The following HDLBP variants were observed in gnomAD, a reference collection of about 807,000 sequenced individuals.
HDLBP encodes the protein vigilin.
A neutral mutation model predicts 137.3 loss-of-function variants in HDLBP; 30 were observed. The ratio of observed to expected loss-of-function variants is 0.22; its 90% CI spans 0.16 to 0.30. The LOEUF (loss-of-function observed/expected upper bound fraction) is 0.30. Ranked by LOEUF, HDLBP falls within the 10% of genes least tolerant of loss-of-function variation. The pLI is 1.00. For synonymous variants in HDLBP, 606 were observed against 596.0 expected (o/e 1.02, Z -0.24); for missense variants, 1,119 against 1,667.3 (o/e 0.67, Z 5.73).
At position 241,228,694 on chromosome 2, in the gene HDLBP, GA is replaced by G. The variant is rs1305554579; in HGVS notation, c.*906del. 1 of 152,884 alleles carries G rather than the reference GA, an allele frequency of 6.5e-6. No individual in the cohort carries two copies. The highest frequency in any genetic ancestry group is 1.5e-5 in the Non-Finnish European group (1 of 68,184). 9.5% of individuals were successfully genotyped at this position (152,884 alleles called of 1,614,324 possible). A position where few individuals can be genotyped will look rare whatever the true frequency, so the allele number is the denominator to read the frequency against. On this transcript the variant is annotated 3_prime_UTR_variant, in exon 28 of 28. Transcript: ENST00000310931. Reference sequence around the variant, plus strand: ...AGACCACTCCACGCCGGCTGAGGTAGAAAGAAGGCAACTGAACACACAGCAG... The same window carrying G: ...AGACCACTCCACGCCGGCTGAGGTAGAAGAAGGCAACTGAACACACAGCAG...
chr2:241,235,288 G>A lies in HDLBP; in HGVS notation c.3010-33C>T, dbSNP rs772376040. ...AAGAGGGGGCTGACTTGACGTTCAG[G>A]ACCCCAGAGAACAGGAAAGAGTCCA... On this transcript the variant is annotated intron_variant, in intron 22 of 27. Transcript: ENST00000310931. The A allele has an allele frequency of 2.2e-5, 35 of 1,613,806 alleles. 1 individual carries two copies. The East Asian group carries it at 5.1e-4, about 24-fold the overall frequency.
Position 241,256,252 on chromosome 2 carries a change from C to T in HDLBP, c.805G>A (p.Val269Ile), listed in dbSNP as rs762803485. ...PPPSVNRTEI[V>I]FTGEKEQLAQ... ...AACTGTTCCTTCTCTCCAGTGAAGA[C>T]AATCTCTGTCCGGTTCACGCTGGGT... Residue 269 changes from valine (V) to isoleucine (I), a missense_variant, in exon 7 of 28, where the codon GTC becomes ATC. Physicochemically the swap from Val to Ile is conservative, Grantham distance 29. Transcript: ENST00000310931. 30 of 1,614,054 alleles carry T rather than the reference C, an allele frequency of 1.9e-5. No homozygotes were observed. The Admixed American group carries it at 5.0e-4, about 27-fold the overall frequency.
chr2:241,248,636 G>C (rs2071869871), intron 12 of HDLBP, among the ~76,000 whole-genome samples: 1 of 152,154 alleles, frequency 6.6e-6, no homozygotes, highest in Admixed American at 6.5e-5. Context: ...TCAACCAAAA[G>C]TGCTATCATG....
intron 9 of HDLBP, among the ~76,000 whole-genome samples, chr2:241,254,550 T>C (rs569028850): frequency 1.2e-4 from 18 of 151,628 alleles, no homozygotes; most frequent in Admixed American, 9.2e-4. Flanking sequence ...AGTGGTGCCA[T>C]CTCGGCTCAC....
chr2:241,267,626 C>T (rs569372914), intron 2 of HDLBP: 817 of 1,535,606 alleles, frequency 5.3e-4, no homozygotes, highest in Non-Finnish European at 6.7e-4. Context: ...AAAAAGCCAG[C>T]GGTCTCTCTC....
chr2:241,230,787 G>C lies in HDLBP; in HGVS notation c.3446C>G (p.Ala1149Gly), dbSNP rs370946253. 4.3e-6 allele frequency: 7 copies of C among 1,614,096 alleles called. No individual in the cohort carries two copies. Among genetic ancestry groups the C allele is most frequent in the African/African-American group, 1.3e-5 (1 of 74,948 alleles). ...HARIIGARGKAIRKIMDEFKV... is the reference protein window; with the variant it reads ...HARIIGARGKGIRKIMDEFKV... ...GAATTCGTCCATGATTTTGCGAATG[G>C]CTTTGCCGCGGGCACCAATGATGCG... The change falls in exon 25 of 28, where the codon GCC (alanine) becomes GGC (glycine). Residue 1149 changes from alanine (A) to glycine (G), a missense_variant. By Grantham distance (60) the Ala-to-Gly change is moderately conservative. Around this residue, in one of 4 missense-constraint regions of HDLBP, gnomAD observed 618 missense variants for 816.7 expected, o/e 0.76. Transcript: ENST00000310931. This position sits in a 1 kb window ranked among gnomAD's most constrained non-coding sequence, Gnocchi z 5.0.
In HDLBP at chr2:241,272,719, G is replaced by T. The variant is rs2074200616; in HGVS notation, c.-102-4178C>A. Reference sequence around the variant, plus strand: ...GCCCGGCAGCCCGCCCGCCCCGTCCGCCCGCCCGCCCAGGCCTCCCAGCCC... The same window carrying T: ...GCCCGGCAGCCCGCCCGCCCCGTCCTCCCGCCCGCCCAGGCCTCCCAGCCC... On this transcript the variant is annotated intron_variant, in intron 1 of 27. Coordinates refer to ENST00000310931, the MANE Select transcript of HDLBP (RefSeq NM_005336.6). This position sits in a 1 kb window ranked among gnomAD's most constrained non-coding sequence, Gnocchi z 5.6. The T allele has an allele frequency of 2.4e-6, 1 of 421,930 alleles. No homozygotes were observed. 26.1% of individuals were successfully genotyped at this position (421,930 alleles called of 1,614,324 possible).
chr2:241,266,435 C>A, intron 3 of HDLBP: 1 of 256,326 alleles, frequency 3.9e-6, no homozygotes, highest in Non-Finnish European at 7.6e-6. Flanking sequence ...CAGCCTTCAT[C>A]CTCAAGGCAG....
At position 241,246,839 on chromosome 2, in the gene HDLBP, A is replaced by C. The variant is rs770193034; in HGVS notation, c.1863T>G (p.Asn621Lys). 12 of 1,614,138 alleles carry C rather than the reference A, an allele frequency of 7.4e-6. No homozygotes were observed. Among genetic ancestry groups the C allele is most frequent in the Non-Finnish European group, 1.0e-5 (12 of 1,179,954 alleles). ...SNTKIDLPAE[N>K]SNSETIIITG... ...TGATGATAATGGTCTCTGAATTGCT[A>C]TTCTCTGCTGGAAGGTCGATTTTGG... The change falls in exon 16 of 28, where the codon AAT becomes AAG. Residue 621 changes from asparagine (N) to lysine (K), a missense_variant. By Grantham distance (94) the Asn-to-Lys change is moderately conservative. Transcript: ENST00000310931.
chr2:241,247,987 T>C lies in HDLBP; in HGVS notation c.1731+16A>G. The C allele has an allele frequency of 6.3e-7, 1 of 1,575,762 alleles. No homozygotes were observed. Among genetic ancestry groups the C allele is most frequent in the South Asian group, 1.1e-5 (1 of 90,252 alleles). On this transcript the variant is annotated intron_variant, in intron 14 of 27. Transcript: ENST00000310931. ...CCAGGTGCTGTCATACAAGAAAGGATGTGAAACACCCCTACCAGATCTGCC... is the reference window on the plus strand; with the variant it reads ...CCAGGTGCTGTCATACAAGAAAGGACGTGAAACACCCCTACCAGATCTGCC...
In HDLBP at chr2:241,230,333, G is replaced by T; in HGVS notation, c.3475-64C>A. 1 of 1,008,052 alleles carries T rather than the reference G, an allele frequency of 9.9e-7. No individual in the cohort carries two copies. The highest frequency in any genetic ancestry group is 1.5e-6 in the Non-Finnish European group (1 of 671,958). The allele number at this position is 1,008,052 out of a possible 1,614,324, so 62.4% of individuals were successfully genotyped here. ...GCGAGGAAAAGGGTTAAAATTATGT[G>T]TCAATTTCTAGTGAAGCATTTTCTG... On this transcript the variant is annotated intron_variant, in intron 25 of 27. Transcript: ENST00000310931. The surrounding 1 kb of genome is among the most constrained non-coding windows in gnomAD (Gnocchi z 5.0).
intron 21 of HDLBP, chr2:241,236,253 G>C: frequency 3.3e-6 from 1 of 304,774 alleles, no homozygotes; most frequent in Non-Finnish European, 6.2e-6. Context: ...CACAAGGTGA[G>C]CTAGGCCTGA....
chr2:241,294,030 CAAAAG>C (rs970785677), intron 1 of HDLBP, among the ~76,000 whole-genome samples: 1 of 151,906 alleles, frequency 6.6e-6, no homozygotes, highest in African/African-American at 2.4e-5. Flanking sequence ...TCTAGCCTGA[CAAAAG>C]AAAAGAACAC....
chr2:241,246,901 A>AC lies in HDLBP; in HGVS notation c.1819-19dup. 1 of 1,613,962 alleles carries AC rather than the reference A, an allele frequency of 6.2e-7. No individual in the cohort carries two copies. Reference sequence around the variant, plus strand: ...TCACGAATCTACAGGGAGAGAGATCACCATGAGAAGCTGACTAGAGCTCTC... The same window carrying AC: ...TCACGAATCTACAGGGAGAGAGATCACCCATGAGAAGCTGACTAGAGCTCTC... On this transcript the variant is annotated intron_variant, in intron 15 of 27. Transcript: ENST00000310931.
intron 20 of HDLBP, among the ~76,000 whole-genome samples, chr2:241,237,993 AC>A (rs1327006597): frequency 6.6e-6 from 1 of 152,266 alleles, no homozygotes; most frequent in Non-Finnish European, 1.5e-5. Context: ...CTGCAGGGCC[AC>A]CTGCCGCCCA....
intron 1 of HDLBP, among the ~76,000 whole-genome samples, chr2:241,284,249 T>C (rs144447535): frequency 9.0e-4 from 137 of 152,328 alleles, no homozygotes; most frequent in Non-Finnish European, 1.6e-3. Flanking sequence ...ATTCCTCTCA[T>C]GGATTTGGGC....
intron 1 of HDLBP, among the ~76,000 whole-genome samples, chr2:241,314,648 A>C (rs921137798): frequency 6.6e-6 from 1 of 152,206 alleles, no homozygotes; most frequent in African/African-American, 2.4e-5. Context: ...TCGATTTTAC[A>C]TGGCGTCCAA....
intron 1 of HDLBP, among the ~76,000 whole-genome samples, chr2:241,310,674 A>T (rs2075731823): frequency 6.6e-6 from 1 of 152,216 alleles, no homozygotes; most frequent in Non-Finnish European, 1.5e-5. Flanking sequence ...GAGAGAAAGC[A>T]AATAGGAAGA....
chr2:241,300,678 A>G (rs2075364134), intron 1 of HDLBP, among the ~76,000 whole-genome samples: 1 of 152,186 alleles, frequency 6.6e-6, no homozygotes, highest in Admixed American at 6.5e-5. Flanking sequence ...TTTGATGGAG[A>G]AAAGACCTTC....
Sources: allele counts gnomAD v4.1 joint callset (sites outside exome capture counted in the v4.1 genomes callset), GRCh38; gene constraint gnomAD v4.1.1; regional missense constraint gnomAD v4.1.1; non-coding constraint Gnocchi (gnomAD v3.1); transcripts MANE v1.5; gene names NCBI Gene and HGNC (gene_info 2026-07-23, HGNC 2026-07-21).